Variants in PPP1R9A observed in about 807,000 individuals in gnomAD.
The protein encoded by PPP1R9A is protein phosphatase 1 regulatory subunit 9A.
PPP1R9A carries 59 observed loss-of-function variants against 141.9 expected under a neutral mutation model. The observed-to-expected ratio is 0.42, with a 90% CI of 0.34 to 0.52. The LOEUF (loss-of-function observed/expected upper bound fraction) is 0.52, where lower values mean the gene tolerates loss of function less well. PPP1R9A is among the 20% of genes least tolerant of loss of function. PPP1R9A has a pLI of 0.10. For missense variants in PPP1R9A, 1,444 were observed against 1,611.9 expected (o/e 0.90, Z 1.78); for synonymous variants, 500 against 569.7 (o/e 0.88, Z 1.74).
intron 4 of PPP1R9A, among the ~76,000 whole-genome samples, chr7:95,134,723 C>G (rs1460569013): frequency 6.6e-6 from 1 of 152,206 alleles, no homozygotes; most frequent in African/African-American, 2.4e-5. Flanking sequence ...GCATGAGCCA[C>G]CACGCCCGGC....
intron 2 of PPP1R9A, among the ~76,000 whole-genome samples, chr7:94,931,478 A>G (rs1298977112): frequency 6.6e-6 from 1 of 152,226 alleles, no homozygotes; most frequent in Non-Finnish European, 1.5e-5. Flanking sequence ...CTTACAGTGT[A>G]TATTTATGCA....
In PPP1R9A at chr7:95,002,662, AGAG is replaced by A. The variant is rs568810486; in HGVS notation, c.1395+91157_1395+91159del. On this transcript the variant is annotated intron_variant, in intron 2 of 19. Transcript: ENST00000433360. ...TGATTTCGCAGGAAAGAAAAGTGAA[AGAG>A]GAACTATCATCTCCTAGGCAAAAAC... Among the ~76,000 whole-genome samples, 47 of 152,300 alleles carry A rather than the reference AGAG, an allele frequency of 3.1e-4. 1 individual carries two copies. Among genetic ancestry groups the A allele is most frequent in the African/African-American group, 8.2e-4 (34 of 41,576 alleles).
At chr7:95,268,523 T>G in intron 12 of PPP1R9A, 27 bp from the exon 13 acceptor site, 1 of 1,611,286 alleles carries the variant, frequency 6.2e-7, no homozygotes, top group South Asian at 1.1e-5. Context: ...AAGGTTTCTC[T>G]CACTGATTAT....
chr7:95,157,264 C>G (rs540453660), intron 4 of PPP1R9A, among the ~76,000 whole-genome samples: 98 of 152,278 alleles, frequency 6.4e-4, no homozygotes, highest in African/African-American at 2.0e-3. Context: ...CCTCTCCCCC[C>G]CCAGAGTGCA....
chr7:95,146,730 T>C (rs572467256), intron 4 of PPP1R9A, among the ~76,000 whole-genome samples: 1 of 152,262 alleles, frequency 6.6e-6, no homozygotes, highest in East Asian at 1.9e-4. Context: ...GCTAGTTTTC[T>C]CAACACCATT....
intron 2 of PPP1R9A, among the ~76,000 whole-genome samples, chr7:94,956,733 A>G (rs1797115327): frequency 6.6e-6 from 1 of 152,070 alleles, no homozygotes; most frequent in Admixed American, 6.6e-5. Context: ...TGGTATGTAG[A>G]GATGGTCAGC....
rs113576917 is a variant in PPP1R9A at position 94,966,958 on chromosome 7, G to T, written c.1395+55450G>T. Among the ~76,000 whole-genome samples the T allele has an allele frequency of 4.4e-4, 67 of 152,062 alleles. 2 individuals are homozygous for T. The East Asian group carries it at 4.5e-3, about 10-fold the overall frequency. On this transcript the variant is annotated intron_variant, in intron 2 of 19. Transcript: ENST00000433360. ...TTCGTCTGGTCCTGGGCTTTTTTTC[G>T]TTGGTAGGCTATTAATTACTGCCTC...
intron 9 of PPP1R9A, among the ~76,000 whole-genome samples, chr7:95,248,846 T>C (rs1012086369): frequency 6.6e-6 from 1 of 152,210 alleles, no homozygotes; most frequent in Non-Finnish European, 1.5e-5. Flanking sequence ...TTTCTAACTT[T>C]GTAAACTGTT....
intron 2 of PPP1R9A, among the ~76,000 whole-genome samples, chr7:94,937,663 C>A (rs1260458380): frequency 6.6e-6 from 1 of 152,128 alleles, no homozygotes; most frequent in African/African-American, 2.4e-5. Flanking sequence ...TGAGATAATT[C>A]TCCTAATTAG....
intron 8 of PPP1R9A, among the ~76,000 whole-genome samples, chr7:95,229,494 G>A (rs995667772): frequency 3.3e-5 from 5 of 151,848 alleles, no homozygotes; most frequent in Admixed American, 1.3e-4. Flanking sequence ...TATGACTTCC[G>A]GCTTTCCCCC....
chr7:95,108,805 T>C (rs909571555), intron 2 of PPP1R9A: 1 of 152,188 alleles, frequency 6.6e-6, no homozygotes, highest in African/African-American at 2.4e-5. Flanking sequence ...GTTATTTATT[T>C]GAAACAGTTA....
chr7:94,981,438 C>G (rs1271712001), intron 2 of PPP1R9A, among the ~76,000 whole-genome samples: 3 of 152,128 alleles, frequency 2.0e-5, no homozygotes. Flanking sequence ...TGGGGTTTCA[C>G]CATGTTGGCC....
chr7:94,964,944 G>C (rs959869767), intron 2 of PPP1R9A, among the ~76,000 whole-genome samples: 1 of 152,196 alleles, frequency 6.6e-6, no homozygotes, highest in Non-Finnish European at 1.5e-5. Flanking sequence ...CCCACCAACA[G>C]TGTAAAAGTG....
Position 95,290,655 on chromosome 7 carries a change from T to G in PPP1R9A, c.*352T>G, listed in dbSNP as rs998659019. 6 of 231,956 alleles carry G rather than the reference T, an allele frequency of 2.6e-5. No individual in the cohort carries two copies. Among genetic ancestry groups the G allele is most frequent in the East Asian group, 9.2e-5 (1 of 10,892 alleles). The allele number at this position is 231,956 out of a possible 1,614,324, so 14.4% of individuals were successfully genotyped here. A position where few individuals can be genotyped will look rare whatever the true frequency, so the allele number is the denominator to read the frequency against. On this transcript the variant is annotated 3_prime_UTR_variant, in exon 20 of 20. Transcript: ENST00000433360. ...CCCAAGAGCATGACACACCCTGGTG[T>G]TGTTAATGGAGCGCCGTGAATTTTC...
chr7:95,009,608 C>T lies in PPP1R9A; in HGVS notation c.1395+98100C>T, dbSNP rs554654664. Among the ~76,000 whole-genome samples the T allele has an allele frequency of 5.3e-5, 8 of 152,226 alleles. No individual in the cohort carries two copies. In the East Asian group the frequency reaches 1.4e-3, roughly 26 times the overall value. ...GTGCTCCTTTGGATTTTCAAGAATA[C>T]TGGGAGTTGTACAATTCTGCCAGAA... On this transcript the variant is annotated intron_variant, in intron 2 of 19. Transcript: ENST00000433360.
intron 2 of PPP1R9A, among the ~76,000 whole-genome samples, chr7:94,980,927 C>T (rs1027434919): frequency 6.6e-5 from 10 of 152,122 alleles, no homozygotes; most frequent in Middle Eastern, 3.2e-3. Context: ...CTGTGTGCCA[C>T]GCTCTGAACT....
At chr7:95,010,564 TCTA>T (rs1329801705) in intron 2 of PPP1R9A, among the ~76,000 whole-genome samples, 1 of 152,214 alleles carries the variant, frequency 6.6e-6, no homozygotes, top group Non-Finnish European at 1.5e-5. Context: ...GTTACTGAAT[TCTA>T]CTCACAATGA....
At chr7:95,031,889 A>G (rs2151820020) in intron 2 of PPP1R9A, among the ~76,000 whole-genome samples, 1 of 152,044 alleles carries the variant, frequency 6.6e-6, no homozygotes, top group South Asian at 2.1e-4. Flanking sequence ...GACTGGTCCA[A>G]GTCATCTGTA....
rs1585665061 is a variant in PPP1R9A, at chr7:95,290,415, T to C, written c.*112T>C. ...AACTAAATGATAAGGGTAATGCGGC[T>C]CTAGGCCGGCTGAGGAACTGTGTGT... is the stretch of plus-strand genomic sequence containing the variant. On this transcript the variant is annotated 3_prime_UTR_variant, in exon 20 of 20. Coordinates refer to ENST00000433360, the MANE Select transcript of PPP1R9A (RefSeq NM_001166160.2). 1.6e-6 allele frequency: 2 copies of C among 1,227,476 alleles called. No individual in the cohort carries two copies. The highest frequency in any genetic ancestry group is 2.2e-6 in the Non-Finnish European group (2 of 898,088). 76.0% of individuals were successfully genotyped at this position (1,227,476 alleles called of 1,614,324 possible). A position where few individuals can be genotyped will look rare whatever the true frequency, so the allele number is the denominator to read the frequency against.
Sources: allele counts gnomAD v4.1 joint callset (sites outside exome capture counted in the v4.1 genomes callset), GRCh38; gene constraint gnomAD v4.1.1; transcripts MANE v1.5; gene names NCBI Gene and HGNC (gene_info 2026-07-23, HGNC 2026-07-21).